Variants in COL5A2 observed in about 807,000 individuals in gnomAD.
COL5A2 encodes collagen alpha-2(V) chain.
COL5A2 carries 23 observed loss-of-function variants against 208.2 expected under a neutral mutation model. The observed-to-expected ratio is 0.11, with a 90% CI of 0.08 to 0.16. COL5A2 has a LOEUF of 0.16. Among genes scored for constraint, COL5A2 ranks in the 10% least tolerant of loss-of-function variants. The probability of loss-of-function intolerance (pLI) is 1.00; values close to 1 mark genes in which losing one functional copy is unlikely to be tolerated. For synonymous variants in COL5A2, 625 were observed against 628.5 expected (o/e 0.99, Z 0.08); for missense variants, 1,590 against 1,956.4 (o/e 0.81, Z 3.53).
intron 1 of COL5A2, among the ~76,000 whole-genome samples, chr2:189,155,337 TA>T (rs1209921678): frequency 7.2e-6 from 1 of 139,160 alleles, no homozygotes; most frequent in Non-Finnish European, 1.5e-5. Flanking sequence ...ATTTATTTTA[TA>T]GCACATACTG....
chr2:189,159,293 T>G (rs973813412), intron 1 of COL5A2, among the ~76,000 whole-genome samples: 5 of 152,204 alleles, frequency 3.3e-5, no homozygotes, highest in Non-Finnish European at 5.9e-5. Flanking sequence ...CAGGAATCTA[T>G]AGCTAATTGT....
At chr2:189,295,380 G>C in the COL5A2 span, among the ~76,000 whole-genome samples, 1 of 152,152 alleles carries the variant, frequency 6.6e-6, no homozygotes, top group African/African-American at 2.4e-5. Flanking sequence ...AAGGTTGGGG[G>C]GTGGATCACT....
intron 1 of COL5A2, among the ~76,000 whole-genome samples, chr2:189,215,776 C>A (rs1348901278): frequency 6.6e-6 from 1 of 152,108 alleles, no homozygotes; most frequent in Non-Finnish European, 1.5e-5. Context: ...GTCCAGAATT[C>A]ATCAAAATTC....
At chr2:189,306,850 T>C in the COL5A2 span, among the ~76,000 whole-genome samples, 1 of 152,366 alleles carries the variant, frequency 6.6e-6, no homozygotes, top group Non-Finnish European at 1.5e-5. Context: ...TTCTTTGTAT[T>C]ATTGGTGTGA....
the COL5A2 span, among the ~76,000 whole-genome samples, chr2:189,270,591 C>T: frequency 6.6e-6 from 1 of 152,194 alleles, no homozygotes; most frequent in South Asian, 2.1e-4. Context: ...GTCTGACAGA[C>T]TGTTTGTTAC....
chr2:189,180,194 A>ACAAT (rs1453763703), upstream of COL5A2, among the ~76,000 whole-genome samples: 1 of 152,128 alleles, frequency 6.6e-6, no homozygotes, highest in Non-Finnish European at 1.5e-5. Flanking sequence ...AAATCTTTAA[A>ACAAT]CAATCACATT....
Position 189,185,825 on chromosome 2 carries a change from T to G in COL5A2, c.-42+39323A>C, listed in dbSNP as rs181248468. Reference sequence around the variant, plus strand: ...ATAGAAAATGATGATTGAATGACCGTGAGACAAGTGGCAGTGAACATAAAT... The same window carrying G: ...ATAGAAAATGATGATTGAATGACCGGGAGACAAGTGGCAGTGAACATAAAT... On this transcript the variant is annotated intron_variant, in intron 1 of 10. Coordinates refer to the COL5A2 transcript ENST00000649966. Among the ~76,000 whole-genome samples the G allele has an allele frequency of 6.9e-4, 105 of 152,276 alleles. 3 individuals carry two copies. The highest frequency in any genetic ancestry group is 2.2e-4 in the Non-Finnish European group (15 of 68,028).
At chr2:189,344,613 T>C in the COL5A2 span, among the ~76,000 whole-genome samples, 1 of 152,296 alleles carries the variant, frequency 6.6e-6, no homozygotes, top group South Asian at 2.1e-4. Flanking sequence ...GCTTCCTCTC[T>C]CCATCGGTTG....
rs73049467 is a variant in COL5A2 at position 189,036,952 on chromosome 2, G to A, written c.3926-149C>T. ...AGTGCCCCTTACGAAAAAAGTAACCGGTATGCATTGGGGGCCTTTCTACAT... is the reference window on the plus strand; with the variant it reads ...AGTGCCCCTTACGAAAAAAGTAACCAGTATGCATTGGGGGCCTTTCTACAT... On this transcript the variant is annotated intron_variant, in intron 51 of 53. Transcript: ENST00000374866. 1.4e-3 allele frequency: 961 copies of A among 670,662 alleles called. 10 individuals are homozygous for A. In the African/African-American group the frequency reaches 0.015, roughly 11 times the overall value. 41.5% of individuals were successfully genotyped at this position (670,662 alleles called of 1,614,324 possible).
intron 21 of COL5A2, 21 bp from the exon 22 acceptor site, chr2:189,066,803 T>A: frequency 1.2e-6 from 2 of 1,600,550 alleles, no homozygotes; most frequent in Non-Finnish European, 1.7e-6. Flanking sequence ...TATATTGATA[T>A]TTGTAAGAAC....
chr2:189,151,037 A>G (rs1194487878), intron 1 of COL5A2, among the ~76,000 whole-genome samples: 2 of 152,180 alleles, frequency 1.3e-5, no homozygotes, highest in Non-Finnish European at 2.9e-5. Context: ...TGATGAAAAA[A>G]TCATGGATTA....
chr2:189,390,226 A>G, the COL5A2 span, among the ~76,000 whole-genome samples: 1 of 152,080 alleles, frequency 6.6e-6, no homozygotes, highest in Non-Finnish European at 1.5e-5. Flanking sequence ...GCTCACCCGC[A>G]CAAATCACAA....
At chr2:189,097,355 C>A (rs748462961) in intron 5 of COL5A2, 25 bp from the exon 6 acceptor site, 2 of 1,612,346 alleles carry the variant, frequency 1.2e-6, no homozygotes, top group African/African-American at 2.7e-5. Flanking sequence ...GATGATTATG[C>A]ATGCAAAAAT....
chr2:189,331,181 A>G, the COL5A2 span, among the ~76,000 whole-genome samples: 5 of 152,188 alleles, frequency 3.3e-5, no homozygotes, highest in Non-Finnish European at 7.3e-5. Flanking sequence ...AAGTCATTTG[A>G]TAACCTAATA....
chr2:189,044,928 AC>A (rs1685632925), intron 47 of COL5A2, among the ~76,000 whole-genome samples: 1 of 152,136 alleles, frequency 6.6e-6, no homozygotes, highest in Non-Finnish European at 1.5e-5. Context: ...TTTAGGAGAA[AC>A]CTGTGACTTT....
Position 189,078,503 on chromosome 2 carries a change from C to G in COL5A2, c.1059+13G>C, listed in dbSNP as rs1559093269. ...CACATCTCAGCAGTATAAGTAAAAGCAGATATACTTACAGGAGCACCCTGT... is the reference window on the plus strand; with the variant it reads ...CACATCTCAGCAGTATAAGTAAAAGGAGATATACTTACAGGAGCACCCTGT... On this transcript the variant is annotated intron_variant, in intron 16 of 53. Coordinates refer to ENST00000374866, the MANE Select transcript of COL5A2 (RefSeq NM_000393.5). The G allele has an allele frequency of 6.3e-7, 1 of 1,594,624 alleles. No homozygotes were observed. Among genetic ancestry groups the G allele is most frequent in the East Asian group, 2.2e-5 (1 of 44,786 alleles).
the COL5A2 span, among the ~76,000 whole-genome samples, chr2:189,289,726 C>T: frequency 1.3e-5 from 2 of 152,014 alleles, no homozygotes; most frequent in Admixed American, 6.6e-5. Context: ...GTAGTATTTC[C>T]GAACACCTAG....
intron 53 of COL5A2, among the ~76,000 whole-genome samples, 156 bp downstream of exon 53, chr2:189,034,760 C>T (rs1004652901): frequency 2.0e-5 from 3 of 152,126 alleles, no homozygotes; most frequent in Non-Finnish European, 2.9e-5. Context: ...CATGTGCTAA[C>T]ACACACACAT....
the COL5A2 span, among the ~76,000 whole-genome samples, chr2:189,356,532 T>G: frequency 1.3e-5 from 2 of 152,218 alleles, no homozygotes; most frequent in African/African-American, 4.8e-5. Context: ...GATTCGGCTA[T>G]CGATACTTGT....
Sources: gnomAD v4.1 joint callset for allele counts (sites outside exome capture counted in the v4.1 genomes callset) on GRCh38, gnomAD v4.1.1 for gene constraint, MANE v1.5 for transcripts, NCBI Gene and HGNC (gene_info 2026-07-23, HGNC 2026-07-21) for gene names.